Variants in ASTN2 observed in about 807,000 individuals in gnomAD.
The protein encoded by ASTN2 is astrotactin 2, also known as astrotactin-2.
ASTN2 carries 54 observed loss-of-function variants against 139.8 expected under a neutral mutation model. The ratio of observed to expected loss-of-function variants is 0.39; its 90% CI spans 0.31 to 0.48. ASTN2 has a LOEUF of 0.48. ASTN2 is among the 20% of genes least tolerant of loss of function. The probability of loss-of-function intolerance (pLI) is 0.95; values close to 1 mark genes in which losing one functional copy is unlikely to be tolerated. For missense variants in ASTN2, 1,565 were observed against 1,725.1 expected (o/e 0.91, Z 1.64); for synonymous variants, 756 against 719.5 (o/e 1.05, Z -0.81).
At chr9:117,334,639 T>C (rs1484058849) in intron 1 of ASTN2, among the ~76,000 whole-genome samples, 1 of 152,154 alleles carries the variant, frequency 6.6e-6, no homozygotes, top group Non-Finnish European at 1.5e-5. Flanking sequence ...AGTGGCTTCA[T>C]AGTCCTCACT....
chr9:116,769,194 T>C (rs1014706176), intron 13 of ASTN2, among the ~76,000 whole-genome samples: 9 of 152,304 alleles, frequency 5.9e-5, no homozygotes, highest in Middle Eastern at 6.8e-3. Context: ...AAGTGTACTA[T>C]ACAGAGAAGT....
At position 116,729,115 on chromosome 9, in the gene ASTN2, T is replaced by G; in HGVS notation, c.2522-19A>C. 1 of 1,548,822 alleles carries G rather than the reference T, an allele frequency of 6.5e-7. No homozygotes were observed. On this transcript the variant is annotated intron_variant, in intron 14 of 22. Transcript: ENST00000313400. The stretch of plus-strand genomic sequence containing the variant: ...ATATCTCCTGGGAGAGAAAATAAGA[T>G]GGTCACGTGAGCCCAGAATTAAGAC...
chr9:117,195,006 C>T (rs1288740550), intron 3 of ASTN2, among the ~76,000 whole-genome samples: 1 of 152,076 alleles, frequency 6.6e-6, no homozygotes, highest in African/African-American at 2.4e-5. Context: ...ATCCACTGAC[C>T]CAGCATATTT....
intron 19 of ASTN2, chr9:116,545,604 G>T (rs547323518): frequency 1.3e-5 from 2 of 152,200 alleles, no homozygotes; most frequent in East Asian, 3.9e-4. Flanking sequence ...TTATTTGAAA[G>T]CAATAGTTTA....
intron 20 of ASTN2, among the ~76,000 whole-genome samples, chr9:116,445,905 G>T (rs1326646079): frequency 6.6e-6 from 1 of 152,250 alleles, no homozygotes; most frequent in East Asian, 1.9e-4. Flanking sequence ...CAACCCTGCT[G>T]GGGGGTGGAG....
intron 22 of ASTN2, among the ~76,000 whole-genome samples, chr9:116,432,802 C>A (rs1405452322): frequency 6.6e-6 from 1 of 151,966 alleles, no homozygotes; most frequent in Non-Finnish European, 1.5e-5. Flanking sequence ...TGGTGGCAGG[C>A]GCCTGTAATC....
intron 20 of ASTN2, among the ~76,000 whole-genome samples, chr9:116,456,434 T>C (rs951602334): frequency 7.2e-5 from 11 of 152,178 alleles, no homozygotes; most frequent in Non-Finnish European, 1.5e-5. Context: ...AAGCAATCTA[T>C]AGATTCAATG....
chr9:117,214,440 C>T lies in ASTN2; in HGVS notation c.933G>A (p.Glu311=). 6.2e-7 allele frequency: 1 copy of T among 1,614,132 alleles called. No individual in the cohort carries two copies. The highest frequency in any genetic ancestry group is 8.5e-7 in the Non-Finnish European group (1 of 1,179,976). The part of the protein sequence containing the change: ...PPRRANHVSR[E]DEFGSQVTHT... ...GGGTCACCTGGCTGCCAAACTCGTCCTCGCGGGAGACATGGTTGGCCCGCC... is the reference window on the plus strand; with the variant it reads ...GGGTCACCTGGCTGCCAAACTCGTCTTCGCGGGAGACATGGTTGGCCCGCC... Residue 311 remains glutamate, a synonymous_variant, in exon 3 of 23, where the codon GAG becomes GAA. Transcript: ENST00000313400.
intron 16 of ASTN2, among the ~76,000 whole-genome samples, chr9:116,692,504 G>A (rs1429173599): frequency 1.3e-5 from 2 of 152,146 alleles, no homozygotes; most frequent in Admixed American, 6.5e-5. Flanking sequence ...CAATAACTTT[G>A]TGAGGAAGAT....
chr9:116,643,920 G>T (rs1319026812), intron 17 of ASTN2, among the ~76,000 whole-genome samples: 1 of 152,170 alleles, frequency 6.6e-6, no homozygotes, highest in Non-Finnish European at 1.5e-5. Context: ...TAGCATATGT[G>T]TCCTTGTTAC....
In ASTN2 at chr9:117,278,719, G is replaced by A. The variant is rs557616889; in HGVS notation, c.630+12607C>T. Reference sequence around the variant, plus strand: ...TTATTTTGCTATTAAAGACGCCCTTGAGCTGGGAACATTAGCAGCCGAAGT... The same window carrying A: ...TTATTTTGCTATTAAAGACGCCCTTAAGCTGGGAACATTAGCAGCCGAAGT... On this transcript the variant is annotated intron_variant, in intron 2 of 22. Coordinates refer to ENST00000313400, the MANE Select transcript of ASTN2 (RefSeq NM_001365068.1). Among the ~76,000 whole-genome samples, 6 of 152,342 alleles carry A rather than the reference G, an allele frequency of 3.9e-5. No individual in the cohort carries two copies. The South Asian group carries it at 1.0e-3, about 26-fold the overall frequency.
At chr9:116,538,641 G>T (rs755159531) in intron 19 of ASTN2, among the ~76,000 whole-genome samples, 1 of 152,134 alleles carries the variant, frequency 6.6e-6, no homozygotes, top group Non-Finnish European at 1.5e-5. Flanking sequence ...CTAAGGAAAA[G>T]TACTTAAAAT....
At chr9:117,360,911 T>C (rs760603911) in intron 1 of ASTN2, among the ~76,000 whole-genome samples, 1 of 152,192 alleles carries the variant, frequency 6.6e-6, no homozygotes, top group Non-Finnish European at 1.5e-5. Context: ...GAAACAGTTT[T>C]TTTCCCCCTT....
At chr9:116,975,679 G>C (rs1475693970) in intron 9 of ASTN2, among the ~76,000 whole-genome samples, 3 of 152,150 alleles carry the variant, frequency 2.0e-5, no homozygotes, top group Non-Finnish European at 2.9e-5. Context: ...TATGTCAGCA[G>C]GGACAGTCTG....
chr9:117,233,455 C>T (rs1832955171), intron 2 of ASTN2, among the ~76,000 whole-genome samples: 1 of 152,086 alleles, frequency 6.6e-6, no homozygotes, highest in African/African-American at 2.4e-5. Flanking sequence ...TGAAATGATG[C>T]ACATGAAAAA....
At chr9:116,977,717 T>A (rs1218157838) in intron 7 of ASTN2, among the ~76,000 whole-genome samples, 2 of 24,428 alleles carry the variant, frequency 8.2e-5, no homozygotes, top group African/African-American at 3.5e-4. Flanking sequence ...TTCTTTTTCT[T>A]TTTTTTTTTT....
At chr9:116,780,550 T>C (rs1272973023) in intron 13 of ASTN2, among the ~76,000 whole-genome samples, 1 of 152,124 alleles carries the variant, frequency 6.6e-6, no homozygotes, top group East Asian at 1.9e-4. Context: ...AGACAGTAAG[T>C]TTCTATCACG....
At chr9:116,943,505 G>C (rs568039768) in intron 10 of ASTN2, among the ~76,000 whole-genome samples, 1 of 152,134 alleles carries the variant, frequency 6.6e-6, no homozygotes, top group Non-Finnish European at 1.5e-5. Context: ...ATTTACCCAA[G>C]CTCCTTAAAA....
rs142225014 is a variant in ASTN2 at position 117,041,054 on chromosome 9, G to A, written c.1277-1089C>T. 3.9e-5 allele frequency among the ~76,000 whole-genome samples: 6 copies of A among 152,186 alleles called. No individual in the cohort carries two copies. In the East Asian group the frequency reaches 5.8e-4, roughly 15 times the overall value. ...ACCTAGAAGAGAGGGCAGAGAGTAC[G>A]GGGGGTGGTTTTGCCTCTGAAAATT... On this transcript the variant is annotated intron_variant, in intron 5 of 22. Transcript: ENST00000313400.
Sources: gnomAD v4.1 joint callset for allele counts (sites outside exome capture counted in the v4.1 genomes callset) on GRCh38, gnomAD v4.1.1 for gene constraint, MANE v1.5 for transcripts, NCBI Gene and HGNC (gene_info 2026-07-23, HGNC 2026-07-21) for gene names.